Variants in LEPR observed in about 807,000 individuals in gnomAD.
The protein encoded by LEPR is leptin receptor.
In LEPR, 56 loss-of-function variants were observed where a neutral mutation model predicts 114.7. That is an observed-to-expected ratio of 0.49 (90% CI 0.39 to 0.61). The LOEUF is 0.61. LEPR is among the 20% of genes least tolerant of loss of function. LEPR has a pLI of 0.00. For missense variants in LEPR, 1,202 were observed against 1,352.9 expected (o/e 0.89, Z 1.75); for synonymous variants, 443 against 461.4 (o/e 0.96, Z 0.51).
chr1:65,541,397 C>T (rs1459772613), intron 2 of LEPR, among the ~76,000 whole-genome samples: 2 of 152,002 alleles, frequency 1.3e-5, no homozygotes, highest in African/African-American at 4.8e-5. Context: ...CATAGCTTAT[C>T]CTTATGCATT....
Position 65,637,835 on chromosome 1 carries a change from A to G in LEPR, c.*820A>G, listed in dbSNP as rs1051613699. 10 of 152,226 alleles carry G rather than the reference A, an allele frequency of 6.6e-5. No homozygotes were observed. Among genetic ancestry groups the G allele is most frequent in the African/African-American group, 2.2e-4 (9 of 41,468 alleles). 9.4% of individuals were successfully genotyped at this position (152,226 alleles called of 1,614,324 possible). A position where few individuals can be genotyped will look rare whatever the true frequency, so the allele number is the denominator to read the frequency against. ...AACCAACCACTGTGCAGTACTTTACATACCTTAACCCAGTTAATTATTGAA... is the reference window on the plus strand; with the variant it reads ...AACCAACCACTGTGCAGTACTTTACGTACCTTAACCCAGTTAATTATTGAA... On this transcript the variant is annotated 3_prime_UTR_variant, in exon 20 of 20. Coordinates refer to ENST00000349533, the MANE Select transcript of LEPR (RefSeq NM_002303.6).
At chr1:65,508,865 A>T (rs1648887783) in intron 2 of LEPR, among the ~76,000 whole-genome samples, 1 of 152,084 alleles carries the variant, frequency 6.6e-6, no homozygotes, top group South Asian at 2.1e-4. Context: ...AATTTATTTC[A>T]TCAATGTTTT....
At chr1:65,527,818 G>T (rs775235780) in intron 2 of LEPR, among the ~76,000 whole-genome samples, 6 of 152,158 alleles carry the variant, frequency 3.9e-5, no homozygotes, top group African/African-American at 1.4e-4. Context: ...AGTCATCTCC[G>T]TTGAAACAGA....
intron 14 of LEPR, among the ~76,000 whole-genome samples, chr1:65,613,536 G>A (rs1657316135): frequency 2.0e-5 from 2 of 98,264 alleles, no homozygotes; most frequent in Non-Finnish European, 2.2e-5. Flanking sequence ...GGTGGATCAC[G>A]AGGTCAGGAG....
At chr1:65,444,581 C>T (rs936327461) in intron 2 of LEPR, among the ~76,000 whole-genome samples, 30 of 35,126 alleles carry the variant, frequency 8.5e-4, no homozygotes, top group African/African-American at 3.0e-3. Context: ...AGGGTGGAGG[C>T]GGGCGGGGGG....
Position 65,447,724 on chromosome 1 carries a change from A to T in LEPR, c.-21+22346A>T, listed in dbSNP as rs78039957. 1.8e-3 allele frequency among the ~76,000 whole-genome samples: 274 copies of T among 151,918 alleles called. 2 individuals carry two copies. The highest frequency in any genetic ancestry group is 0.017 in the Middle Eastern group (5 of 294). ...ATTTTTTTGTATTTTTGTTTTGCAG[A>T]TATGGGTTTTTGCCATGTTGCCCAG... On this transcript the variant is annotated intron_variant, in intron 2 of 19. Coordinates refer to ENST00000349533, the MANE Select transcript of LEPR (RefSeq NM_002303.6).
chr1:65,635,511 C>T (rs1658686453), intron 19 of LEPR: 1 of 393,992 alleles, frequency 2.5e-6, no homozygotes. Flanking sequence ...TAGTAATTTA[C>T]CAGTTTGTGA....
intron 2 of LEPR, among the ~76,000 whole-genome samples, chr1:65,527,137 G>C (rs559587662): frequency 6.6e-6 from 1 of 152,326 alleles, no homozygotes; most frequent in East Asian, 1.9e-4. Context: ...AAATGTGTTT[G>C]AAGGAAAACA....
intron 2 of LEPR, among the ~76,000 whole-genome samples, chr1:65,482,707 G>T (rs147218597): frequency 7.9e-4 from 121 of 152,266 alleles, no homozygotes; most frequent in Admixed American, 2.1e-3. Flanking sequence ...TAAATGTGAG[G>T]CTGGGTGCGA....
At chr1:65,479,332 C>A (rs1344668368) in intron 2 of LEPR, among the ~76,000 whole-genome samples, 2 of 152,046 alleles carry the variant, frequency 1.3e-5, no homozygotes, top group African/African-American at 2.4e-5. Context: ...ATTTATGAAT[C>A]TAGGCATAGT....
chr1:65,477,328 C>T (rs1201927195), intron 2 of LEPR, among the ~76,000 whole-genome samples: 1 of 152,208 alleles, frequency 6.6e-6, no homozygotes, highest in Non-Finnish European at 1.5e-5. Context: ...TCCATAAGGG[C>T]AGAGATTTTT....
chr1:65,564,148 C>T (rs1653512909), intron 2 of LEPR, among the ~76,000 whole-genome samples: 1 of 149,302 alleles, frequency 6.7e-6, no homozygotes, highest in African/African-American at 2.4e-5. Context: ...GCCCCTCCCC[C>T]AGCCTCGCTG....
chr1:65,514,130 A>G (rs1649166514), intron 2 of LEPR, among the ~76,000 whole-genome samples: 1 of 152,254 alleles, frequency 6.6e-6, no homozygotes, highest in Admixed American at 6.5e-5. Flanking sequence ...AAACAATCCA[A>G]TTGACTTGCC....
At chr1:65,456,878 C>A (rs545690595) in intron 2 of LEPR, among the ~76,000 whole-genome samples, 2 of 152,032 alleles carry the variant, frequency 1.3e-5, no homozygotes, top group East Asian at 1.9e-4. Context: ...GTTCTTTGAC[C>A]CTGTTTTTGT....
chr1:65,547,953 A>C (rs1651907974), intron 2 of LEPR, among the ~76,000 whole-genome samples: 1 of 150,956 alleles, frequency 6.6e-6, no homozygotes, highest in Non-Finnish European at 1.5e-5. Flanking sequence ...TTAGTGCTAT[A>C]AATTTCTCTC....
chr1:65,469,129 C>T (rs576642523), intron 2 of LEPR, among the ~76,000 whole-genome samples: 1 of 152,284 alleles, frequency 6.6e-6, no homozygotes, highest in South Asian at 2.1e-4. Flanking sequence ...GGACTGCACA[C>T]AGTCCATACC....
At chr1:65,635,683 C>G (rs1658694223) in intron 19 of LEPR, among the ~76,000 whole-genome samples, 2 of 152,076 alleles carry the variant, frequency 1.3e-5, no homozygotes, top group African/African-American at 2.4e-5. Context: ...GTTATTTTAA[C>G]TGTTTTTAGA....
chr1:65,432,989 G>A, intron 2 of LEPR: 4 of 985,376 alleles, frequency 4.1e-6, no homozygotes, highest in Non-Finnish European at 4.8e-6. Context: ...ACATCTCAGT[G>A]GGGAACAGAT....
At chr1:65,455,963 G>C (rs932910560) in intron 2 of LEPR, among the ~76,000 whole-genome samples, 1 of 152,198 alleles carries the variant, frequency 6.6e-6, no homozygotes, top group Non-Finnish European at 1.5e-5. Context: ...CTCCGAGCCA[G>C]GTGCAGGGTA....
Sources: gnomAD v4.1 joint callset for allele counts (sites outside exome capture counted in the v4.1 genomes callset) on GRCh38, gnomAD v4.1.1 for gene constraint, MANE v1.5 for transcripts, NCBI Gene and HGNC (gene_info 2026-07-23, HGNC 2026-07-21) for gene names.